GRIK2: variants seen among roughly 807,000 people sequenced by gnomAD.
GRIK2 encodes the protein glutamate ionotropic receptor kainate type subunit 2, also known as glutamate receptor ionotropic, kainate 2.
Under a neutral mutation model 100.3 loss-of-function variants are expected in GRIK2, and 32 were observed. The ratio of observed to expected loss-of-function variants is 0.32; its 90% confidence interval spans 0.24 to 0.43. GRIK2 has a LOEUF of 0.43. Among genes scored for constraint, GRIK2 ranks in the 20% least tolerant of loss-of-function variants. GRIK2 has a pLI of 1.00. For synonymous variants in GRIK2, 417 were observed against 389.4 expected (o/e 1.07, Z -0.83); for missense variants, 843 against 1,114.9 (o/e 0.76, Z 3.47).
chr6:101,681,513 G>A (rs763034761), intron 5 of GRIK2, among the ~76,000 whole-genome samples: 12 of 151,104 alleles, frequency 7.9e-5, no homozygotes, highest in Non-Finnish European at 1.6e-4. Flanking sequence ...GGGATTACAG[G>A]TGTGAGACAC....
chr6:102,035,179 T>A (rs1309757172), intron 14 of GRIK2, among the ~76,000 whole-genome samples, 162 bp from the exon 15 acceptor site: 1 of 132,920 alleles, frequency 7.5e-6, no homozygotes, highest in Non-Finnish European at 1.6e-5. Flanking sequence ...ATTATACAGA[T>A]TCAGACTTTT....
chr6:101,907,862 C>T (rs570490359), intron 12 of GRIK2, among the ~76,000 whole-genome samples: 2 of 151,452 alleles, frequency 1.3e-5, no homozygotes, highest in East Asian at 3.9e-4. Flanking sequence ...CACTTATTTC[C>T]TCATTTATCC....
At chr6:101,844,871 A>G (rs914448221) in intron 10 of GRIK2, among the ~76,000 whole-genome samples, 1 of 152,156 alleles carries the variant, frequency 6.6e-6, no homozygotes, top group African/African-American at 2.4e-5. Flanking sequence ...TCACCAAAGT[A>G]TGTAATTCAG....
At chr6:101,828,169 C>G (rs1356630978) in intron 10 of GRIK2, among the ~76,000 whole-genome samples, 1 of 151,932 alleles carries the variant, frequency 6.6e-6, no homozygotes, top group African/African-American at 2.4e-5. Context: ...ACAACCTGCT[C>G]TTGAATGATT....
Position 101,844,564 on chromosome 6 carries a change from C to A in GRIK2, c.1318-14723C>A, listed in dbSNP as rs118132028. Among the ~76,000 whole-genome samples, 104 of 152,244 alleles carry A rather than the reference C, an allele frequency of 6.8e-4. 1 individual carries two copies. Among genetic ancestry groups the A allele is most frequent in the Non-Finnish European group, 1.0e-3 (68 of 67,996 alleles). Reference sequence around the variant, plus strand: ...ATTGCTCATAAGCACTAGTAAAGAACAATCTTAAGCATTTGCTAGTTTTAA... The same window carrying A: ...ATTGCTCATAAGCACTAGTAAAGAAAAATCTTAAGCATTTGCTAGTTTTAA... On this transcript the variant is annotated intron_variant, in intron 10 of 16. Transcript: ENST00000369134.
At chr6:101,548,562 A>AT (rs1316329123) in intron 2 of GRIK2, among the ~76,000 whole-genome samples, 1 of 152,196 alleles carries the variant, frequency 6.6e-6, no homozygotes, top group Non-Finnish European at 1.5e-5. Flanking sequence ...TCCCAGCACC[A>AT]TTTATTAAAT....
rs771949838 is a variant in GRIK2, at chr6:101,813,142, T to TAC, written c.1204-5210_1204-5209dup. 4.7e-3 allele frequency among the ~76,000 whole-genome samples: 710 copies of TAC among 150,222 alleles called. 4 individuals are homozygous for TAC. Among genetic ancestry groups the TAC allele is most frequent in the African/African-American group, 0.012 (477 of 41,148 alleles). ...ATAGACATATGTAAACATCCACATATACACACACACACACACACATATACA... is the reference window on the plus strand; with the variant it reads ...ATAGACATATGTAAACATCCACATATACACACACACACACACACACATATACA... On this transcript the variant is annotated intron_variant, in intron 9 of 16. Transcript: ENST00000369134.
intron 4 of GRIK2, among the ~76,000 whole-genome samples, chr6:101,652,280 G>A (rs1781836074): frequency 6.6e-6 from 1 of 152,118 alleles, no homozygotes; most frequent in Non-Finnish European, 1.5e-5. Context: ...CCTCATGAAT[G>A]GAATTAGTGT....
intron 14 of GRIK2, among the ~76,000 whole-genome samples, chr6:101,980,053 C>T (rs1044729214): frequency 6.6e-6 from 1 of 151,882 alleles, no homozygotes; most frequent in Non-Finnish European, 1.5e-5. Flanking sequence ...TGACATTTAA[C>T]ATTTTTTCGA....
intron 14 of GRIK2, among the ~76,000 whole-genome samples, chr6:101,946,302 G>A (rs1791272498): frequency 6.6e-6 from 1 of 151,802 alleles, no homozygotes; most frequent in Non-Finnish European, 1.5e-5. Flanking sequence ...TAATGAAATT[G>A]GGGCAATGCT....
intron 11 of GRIK2, among the ~76,000 whole-genome samples, chr6:101,867,985 A>T (rs1785160251): frequency 1.5e-5 from 2 of 137,560 alleles, no homozygotes; most frequent in South Asian, 4.2e-4. Context: ...TCTGAACTTA[A>T]GCTACTTAAA....
chr6:101,458,748 G>A (rs577051471), intron 2 of GRIK2, among the ~76,000 whole-genome samples: 40 of 152,224 alleles, frequency 2.6e-4, no homozygotes, highest in Middle Eastern at 3.4e-3. Context: ...TATGAATTGG[G>A]CTCCTCGTGA....
intron 2 of GRIK2, among the ~76,000 whole-genome samples, chr6:101,612,981 G>T (rs1451586268): frequency 6.6e-6 from 1 of 151,678 alleles, no homozygotes; most frequent in Non-Finnish European, 1.5e-5. Context: ...GTCATTGAAA[G>T]ATTTTAGGAA....
chr6:101,477,125 G>C (rs530057096), intron 2 of GRIK2, among the ~76,000 whole-genome samples: 1 of 152,240 alleles, frequency 6.6e-6, no homozygotes, highest in South Asian at 2.1e-4. Context: ...AGTAAAACTA[G>C]AGGGTCTGTG....
chr6:101,555,896 A>G lies in GRIK2; in HGVS notation c.116-66053A>G, dbSNP rs1008932974. 7.2e-5 allele frequency among the ~76,000 whole-genome samples: 11 copies of G among 152,148 alleles called. 1 individual carries two copies. Among genetic ancestry groups the G allele is most frequent in the Non-Finnish European group, 1.3e-4 (9 of 68,002 alleles). ...TAAATTCCTAACTAACCACAAGGACACTGTGTATTAATATAAGAAAGAAAA... is the reference window on the plus strand; with the variant it reads ...TAAATTCCTAACTAACCACAAGGACGCTGTGTATTAATATAAGAAAGAAAA... On this transcript the variant is annotated intron_variant, in intron 2 of 16. Coordinates refer to ENST00000369134, the MANE Select transcript of GRIK2 (RefSeq NM_021956.5).
At chr6:101,846,993 C>T (rs2791831) in intron 10 of GRIK2, among the ~76,000 whole-genome samples, 1 of 150,926 alleles carries the variant, frequency 6.6e-6, no homozygotes, top group African/African-American at 2.4e-5. Flanking sequence ...TCTGTTCTCT[C>T]TTTTATTATC....
intron 2 of GRIK2, among the ~76,000 whole-genome samples, chr6:101,525,785 T>C (rs1395194257): frequency 6.6e-6 from 1 of 152,212 alleles, no homozygotes; most frequent in African/African-American, 2.4e-5. Context: ...TGTGCATGTG[T>C]AATTACATGC....
chr6:101,523,784 A>G (rs1165177763), intron 2 of GRIK2, among the ~76,000 whole-genome samples: 1 of 136,196 alleles, frequency 7.3e-6, no homozygotes, highest in East Asian at 2.2e-4. Context: ...CAGTGGCATT[A>G]TCTGGGCTCA....
intron 2 of GRIK2, among the ~76,000 whole-genome samples, chr6:101,512,123 TATTC>T (rs1401797390): frequency 6.6e-6 from 1 of 151,672 alleles, no homozygotes; most frequent in Non-Finnish European, 1.5e-5. Flanking sequence ...ACTGCCATTA[TATTC>T]ATTTATTAAT....
Sources: allele counts gnomAD v4.1 joint callset (sites outside exome capture counted in the v4.1 genomes callset), GRCh38; gene constraint gnomAD v4.1.1; transcripts MANE v1.5; gene names NCBI Gene and HGNC (gene_info 2026-07-23, HGNC 2026-07-21).